The following PARP9 variants were observed in gnomAD, a reference collection of about 807,000 sequenced individuals.
PARP9 encodes the protein protein mono-ADP-ribosyltransferase PARP9.
Under a neutral mutation model 68.8 loss-of-function variants are expected in PARP9, and 48 were observed. That is an observed-to-expected ratio of 0.70 (90% CI 0.55 to 0.89). The LOEUF (loss-of-function observed/expected upper bound fraction) is 0.89. Ranked by LOEUF, PARP9 falls within the 40% of genes least tolerant of loss-of-function variation. The pLI is 0.00. For synonymous variants in PARP9, 309 were observed against 333.8 expected (o/e 0.93, Z 0.81); for missense variants, 806 against 969.3 (o/e 0.83, Z 2.24).
At chr3:122,531,141 C>T (rs907777070) in intron 10 of PARP9, among the ~76,000 whole-genome samples, 4 of 151,958 alleles carry the variant, frequency 2.6e-5, no homozygotes, top group Admixed American at 6.6e-5. Context: ...CAATTTAGAC[C>T]GGCCACATTT....
In PARP9 at chr3:122,528,203, G is replaced by A. The variant is rs2077068330; in HGVS notation, c.*161C>T. Reference sequence around the variant, plus strand: ...CCCCAAGACATAAAGACAGATAAAGGCACTAAGATGCTAGTATGTGGCTAG... The same window carrying A: ...CCCCAAGACATAAAGACAGATAAAGACACTAAGATGCTAGTATGTGGCTAG... On this transcript the variant is annotated 3_prime_UTR_variant, in exon 11 of 11. Transcript: ENST00000682323. The A allele has an allele frequency of 2.3e-6, 2 of 858,014 alleles. No individual in the cohort carries two copies. The highest frequency in any genetic ancestry group is 3.4e-5 in the African/African-American group (2 of 59,268). 53.2% of individuals were successfully genotyped at this position (858,014 alleles called of 1,614,324 possible).
intron 7 of PARP9, 51 bp from the exon 8 acceptor site, chr3:122,540,903 T>TG (rs2078165184): frequency 6.5e-7 from 1 of 1,530,052 alleles, no homozygotes; most frequent in South Asian, 1.3e-5. Flanking sequence ...TTTTTGTTTT[T>TG]TTTTTGAGAT....
intron 3 of PARP9, 121 bp from the exon 4 acceptor site, chr3:122,556,242 T>C: frequency 1.5e-6 from 1 of 652,894 alleles, no homozygotes; most frequent in East Asian, 2.8e-5. Flanking sequence ...AAAAGAGAGA[T>C]GAACTTCATG....
chr3:122,532,483 C>CAGTCATTTTCAGAGTTT, intron 10 of PARP9: 1 of 932,950 alleles, frequency 1.1e-6, no homozygotes. Flanking sequence ...TATGAAAACT[C>CAGTCATTTTCAGAGTTT]TGAAAATGAC....
At chr3:122,555,027 A>C (rs1307890527) in intron 4 of PARP9, among the ~76,000 whole-genome samples, 1 of 152,028 alleles carries the variant, frequency 6.6e-6, no homozygotes, top group East Asian at 1.9e-4. Context: ...TATTTTAAAA[A>C]AAAACTTAAA....
upstream of PARP9, chr3:122,564,320 C>T (rs1157935152): frequency 3.7e-6 from 5 of 1,338,134 alleles, no homozygotes; most frequent in African/African-American, 5.9e-5. Flanking sequence ...AGGGAGGGAC[C>T]TCCAGGGAAG....
At chr3:122,536,595 T>C (rs528087838) in intron 9 of PARP9, 2 of 623,156 alleles carry the variant, frequency 3.2e-6, no homozygotes, top group Non-Finnish European at 2.6e-6. Context: ...ACATAGTCTC[T>C]GCCCTCTTAA....
At position 122,555,444 on chromosome 3, in the gene PARP9, C is replaced by G. The variant is rs1447221611; in HGVS notation, c.727G>C (p.Val243Leu). 6.2e-7 allele frequency: 1 copy of G among 1,614,098 alleles called. No individual in the cohort carries two copies. Among genetic ancestry groups the G allele is most frequent in the East Asian group, 2.2e-5 (1 of 44,880 alleles). The change falls in exon 4 of 11, where the codon GTG becomes CTG. Residue 243 changes from valine to leucine, a missense_variant. Coordinates refer to ENST00000682323, the MANE Select transcript of PARP9 (RefSeq NM_001146105.2). ...MMSNLKEIHL[V>L]SNEDPTVAAF... ...GCAACAGTAGGGTCCTCATTGCTCA[C>G]CAGGTGAATTTCTTTCAAATTACTC...
intron 5 of PARP9, among the ~76,000 whole-genome samples, chr3:122,552,107 TG>T (rs1049342399): frequency 6.6e-6 from 1 of 151,434 alleles, no homozygotes; most frequent in South Asian, 2.1e-4. Flanking sequence ...TTGGTAGAGA[TG>T]GGGGTCTTGC....
At chr3:122,540,928 T>C (rs2078170382) in intron 7 of PARP9, 76 bp from the exon 8 acceptor site, 3 of 1,465,304 alleles carry the variant, frequency 2.0e-6, no homozygotes, top group Middle Eastern at 1.8e-4. Context: ...TCTCGCTCTG[T>C]CTCACAAGCT....
chr3:122,532,368 G>A, intron 10 of PARP9: 23 of 985,232 alleles, frequency 2.3e-5, no homozygotes, highest in Non-Finnish European at 2.8e-5. Context: ...AGGACAATGG[G>A]AGCCATAAGC....
intron 6 of PARP9, among the ~76,000 whole-genome samples, chr3:122,550,314 G>C (rs1363401889): frequency 6.6e-6 from 1 of 152,130 alleles, no homozygotes; most frequent in Non-Finnish European, 1.5e-5. Context: ...CCCGACCTCA[G>C]GTGATCCGCC....
chr3:122,544,995 C>A (rs1444030601), intron 7 of PARP9, among the ~76,000 whole-genome samples: 1 of 152,190 alleles, frequency 6.6e-6, no homozygotes, highest in East Asian at 1.9e-4. Context: ...AAGTTTCCAT[C>A]ATGATCCCAG....
chr3:122,539,507 ATTTC>A (rs144389968), intron 8 of PARP9, among the ~76,000 whole-genome samples: 6,804 of 132,818 alleles, frequency 0.051, 205 homozygotes, highest in South Asian at 0.059. Context: ...CCAAGATGGC[ATTTC>A]TTTCTTTCTT....
chr3:122,547,015 C>CACAT (rs1553717182), intron 6 of PARP9, among the ~76,000 whole-genome samples: 39 of 77,734 alleles, frequency 5.0e-4, no homozygotes, highest in South Asian at 8.6e-4. Context: ...TATATATATA[C>CACAT]ACACACACAC....
At chr3:122,557,051 C>T (rs1559875359) in intron 3 of PARP9, among the ~76,000 whole-genome samples, 2 of 152,152 alleles carry the variant, frequency 1.3e-5, no homozygotes, top group Admixed American at 1.3e-4. Flanking sequence ...CTAGGCTGGT[C>T]TCAAACTCCT....
intron 8 of PARP9, among the ~76,000 whole-genome samples, chr3:122,539,812 C>A (rs2078050245): frequency 2.0e-5 from 3 of 152,246 alleles, no homozygotes; most frequent in Admixed American, 1.3e-4. Flanking sequence ...GATGCGCCCA[C>A]CTCGGCCTCC....
intron 9 of PARP9, 70 bp downstream of exon 9, chr3:122,536,864 T>C (rs1358587386): frequency 2.6e-6 from 4 of 1,531,852 alleles, no homozygotes; most frequent in Non-Finnish European, 3.5e-6. Flanking sequence ...CAGGTGAGCT[T>C]TTCCTTTGGC....
intron 10 of PARP9, chr3:122,534,873 C>T: frequency 1.1e-6 from 1 of 930,778 alleles, no homozygotes; most frequent in Non-Finnish European, 1.3e-6. Flanking sequence ...AAGACTCCGT[C>T]TCAGAAAAAT....
Sources: gnomAD v4.1 joint callset for allele counts (sites outside exome capture counted in the v4.1 genomes callset) on GRCh38, gnomAD v4.1.1 for gene constraint, MANE v1.5 for transcripts, NCBI Gene and HGNC (gene_info 2026-07-23, HGNC 2026-07-21) for gene names.